GRM7: variants seen among roughly 807,000 people sequenced by gnomAD.
The protein encoded by GRM7 is metabotropic glutamate receptor 7.
GRM7 carries 35 observed loss-of-function variants against 84.5 expected under a neutral mutation model. The observed-to-expected ratio is 0.41, with a 90% CI of 0.32 to 0.55. GRM7 has a LOEUF of 0.55. Ranked by LOEUF, GRM7 falls within the 20% of genes least tolerant of loss-of-function variation. The probability of loss-of-function intolerance (pLI) is 0.19; values close to 1 mark genes in which losing one functional copy is unlikely to be tolerated. For synonymous variants in GRM7, 487 were observed against 455.1 expected, an observed-to-expected ratio of 1.07 and a Z score of -0.89; for missense variants, 1,003 against 1,194.6, an observed-to-expected ratio of 0.84 and a Z score of 2.36.
rs528018584 is a variant in GRM7 at position 7,402,612 on chromosome 3, CT to C, written c.1034-12409del. 2.0e-3 allele frequency among the ~76,000 whole-genome samples: 308 copies of C among 152,172 alleles called. 4 individuals are homozygous for C. The highest frequency in any genetic ancestry group is 0.01 in the South Asian group (50 of 4,818). On this transcript the variant is annotated intron_variant, in intron 4 of 9. Transcript: ENST00000357716. ...GCATGTTTTAGAACGTTGGACAGTT[CT>C]TCTCAAACCTGAAAATACCTGCATA...
chr3:6,993,796 G>A lies in GRM7; in HGVS notation c.519+131889G>A, dbSNP rs142800379. ...GCTTAACGATGGATTACATATAGAA[G>A]GAGATGTAAAAATAAGGGCTTTAAT... On this transcript the variant is annotated intron_variant, in intron 1 of 9. Transcript: ENST00000357716. Among the ~76,000 whole-genome samples the A allele has an allele frequency of 2.1e-4, 32 of 152,274 alleles. No homozygotes were observed. In the East Asian group the frequency reaches 6.2e-3, roughly 29 times the overall value.
rs1695589746 is a variant in GRM7 at position 7,188,349 on chromosome 3, A to G, written c.736+41681A>G. On this transcript the variant is annotated intron_variant, in intron 2 of 9. Coordinates refer to ENST00000357716, the MANE Select transcript of GRM7 (RefSeq NM_000844.4). This position sits in a 1 kb window ranked among gnomAD's most constrained non-coding sequence, Gnocchi z 4.2. Reference sequence around the variant, plus strand: ...ATGTTATATAATATAATCTGTAATTAAAACTTTAGTCTGACAATAAGATTC... The same window carrying G: ...ATGTTATATAATATAATCTGTAATTGAAACTTTAGTCTGACAATAAGATTC... Among the ~76,000 whole-genome samples the G allele has an allele frequency of 6.6e-6, 1 of 152,202 alleles. No individual in the cohort carries two copies. The highest frequency in any genetic ancestry group is 6.5e-5 in the Admixed American group (1 of 15,270).
chr3:7,424,272 C>T (rs1403012176), intron 5 of GRM7, among the ~76,000 whole-genome samples: 1 of 151,762 alleles, frequency 6.6e-6, no homozygotes, highest in Non-Finnish European at 1.5e-5. Context: ...GGTGATTGAT[C>T]CTACTTTTGG....
chr3:6,877,454 T>A (rs1230960143), intron 1 of GRM7, among the ~76,000 whole-genome samples: 1 of 152,196 alleles, frequency 6.6e-6, no homozygotes, highest in Middle Eastern at 3.2e-3. Context: ...TGTAGACACA[T>A]CATGTGTCAT....
At chr3:7,608,450 T>A (rs1374715455) in intron 8 of GRM7, among the ~76,000 whole-genome samples, 1 of 151,996 alleles carries the variant, frequency 6.6e-6, no homozygotes, top group Non-Finnish European at 1.5e-5. Context: ...TCATTGTGGT[T>A]TTGATTTGCA....
intron 1 of GRM7, among the ~76,000 whole-genome samples, chr3:7,044,711 G>A (rs915543437): frequency 1.3e-5 from 2 of 151,886 alleles, no homozygotes; most frequent in South Asian, 2.1e-4. Flanking sequence ...GTGTAGTGCC[G>A]ATTTTTCATC....
At chr3:7,719,647 C>T (rs1219276614) in intron 9 of GRM7, among the ~76,000 whole-genome samples, 1 of 152,036 alleles carries the variant, frequency 6.6e-6, no homozygotes, top group Non-Finnish European at 1.5e-5. Flanking sequence ...CCCATCTCTA[C>T]TAAAAGTGCA....
At chr3:7,526,825 T>C (rs1323876375) in intron 7 of GRM7, among the ~76,000 whole-genome samples, 1 of 151,918 alleles carries the variant, frequency 6.6e-6, no homozygotes, top group Non-Finnish European at 1.5e-5. Context: ...TGTCAAAGAT[T>C]AGTTGATTGT....
chr3:7,285,432 T>C (rs1159040731), intron 2 of GRM7, among the ~76,000 whole-genome samples: 1 of 152,124 alleles, frequency 6.6e-6, no homozygotes, highest in Non-Finnish European at 1.5e-5. Context: ...TTTTATTGAA[T>C]GAAGATCATA....
chr3:7,268,934 C>A (rs184333753), intron 2 of GRM7, among the ~76,000 whole-genome samples: 5 of 152,282 alleles, frequency 3.3e-5, no homozygotes, highest in African/African-American at 9.6e-5. Flanking sequence ...TTTCATTTAA[C>A]AGATATAGAA....
Position 7,298,812 on chromosome 3 carries a change from G to T in GRM7, c.865G>T (p.Asp289Tyr), listed in dbSNP as rs74549759. The change falls in exon 3 of 10, where the codon GAT becomes TAT. Residue 289 changes from aspartate to tyrosine, a missense_variant. Coordinates refer to ENST00000357716, the MANE Select transcript of GRM7 (RefSeq NM_000844.4). The stretch of plus-strand genomic sequence containing the variant: ...CAGGGCCGTCGTGATTTTTGCCAAC[G>T]ATGAGGATATAAAGTAAGAATAACT... ...NSRAVVIFAN[D>Y]EDIKQILAAA... 6.2e-7 allele frequency: 1 copy of T among 1,613,508 alleles called. No individual in the cohort carries two copies. The highest frequency in any genetic ancestry group is 8.5e-7 in the Non-Finnish European group (1 of 1,179,596).
rs764556794 is a variant in GRM7 at position 7,484,250 on chromosome 3, G to C, written c.1515+22528G>C. On this transcript the variant is annotated intron_variant, in intron 7 of 9. Coordinates refer to ENST00000357716, the MANE Select transcript of GRM7 (RefSeq NM_000844.4). ...TTTTTGGTAGACTTTGTCAGGTCTTGTTGGACAGAATATACTCTTCAATGA... is the reference window on the plus strand; with the variant it reads ...TTTTTGGTAGACTTTGTCAGGTCTTCTTGGACAGAATATACTCTTCAATGA... 1.1e-4 allele frequency among the ~76,000 whole-genome samples: 17 copies of C among 152,258 alleles called. No homozygotes were observed. In the South Asian group the frequency reaches 2.5e-3, roughly 22 times the overall value.
At chr3:7,075,660 G>C (rs1231990074) in intron 1 of GRM7, among the ~76,000 whole-genome samples, 1 of 151,918 alleles carries the variant, frequency 6.6e-6, no homozygotes, top group Non-Finnish European at 1.5e-5. Flanking sequence ...TGAGTAGCTG[G>C]GATTACAGGT....
chr3:7,534,697 T>C (rs1159541126), intron 7 of GRM7, among the ~76,000 whole-genome samples: 3 of 152,124 alleles, frequency 2.0e-5, no homozygotes, highest in Non-Finnish European at 4.4e-5. Context: ...TAATTCTATG[T>C]GGAATATATA....
At chr3:7,362,020 T>G (rs1438484208) in intron 4 of GRM7, among the ~76,000 whole-genome samples, 3 of 152,136 alleles carry the variant, frequency 2.0e-5, no homozygotes, top group African/African-American at 4.8e-5. Context: ...CTTGGACTAA[T>G]GTTTAATAAC....
Position 7,599,525 on chromosome 3 carries a change from G to T in GRM7, c.2451+20168G>T, listed in dbSNP as rs77512063. ...CCTGGGATGTGGGTTTCAGAAGTAG[G>T]TGTTTGTCTCCGGTCTTATATCCAG... On this transcript the variant is annotated intron_variant, in intron 8 of 9. Transcript: ENST00000357716. Among the ~76,000 whole-genome samples, 58 of 152,198 alleles carry T rather than the reference G, an allele frequency of 3.8e-4. No individual in the cohort carries two copies. The East Asian group carries it at 0.01, about 27-fold the overall frequency.
At chr3:7,315,398 G>C (rs1167994667) in intron 4 of GRM7, among the ~76,000 whole-genome samples, 1 of 152,084 alleles carries the variant, frequency 6.6e-6, no homozygotes. Flanking sequence ...TTTTCTCCTA[G>C]GCTTAATGCT....
chr3:7,119,225 C>A (rs1312186662), intron 1 of GRM7, among the ~76,000 whole-genome samples: 1 of 152,004 alleles, frequency 6.6e-6, no homozygotes, highest in Non-Finnish European at 1.5e-5. Flanking sequence ...GTATTGTTTT[C>A]CCATATGATA....
At chr3:7,222,028 C>T (rs1339954894) in intron 2 of GRM7, among the ~76,000 whole-genome samples, 3 of 151,838 alleles carry the variant, frequency 2.0e-5, no homozygotes, top group Non-Finnish European at 4.4e-5. Context: ...GGGCTGGTTT[C>T]GAACTCCTGA....
Sources: allele counts gnomAD v4.1 joint callset (sites outside exome capture counted in the v4.1 genomes callset), GRCh38; gene constraint gnomAD v4.1.1; non-coding constraint Gnocchi (gnomAD v3.1); transcripts MANE v1.5; gene names NCBI Gene and HGNC (gene_info 2026-07-23, HGNC 2026-07-21).